CCDC146: variants seen among roughly 807,000 people sequenced by gnomAD.
CCDC146 encodes the protein coiled-coil domain-containing protein 146.
CCDC146 carries 92 observed loss-of-function variants against 119.3 expected under a neutral mutation model. The observed-to-expected ratio is 0.77, with a 90% CI of 0.65 to 0.92. The LOEUF is 0.92. Among genes scored for constraint, CCDC146 ranks in the 40% least tolerant of loss-of-function variants. The pLI, the probability that CCDC146 is intolerant of heterozygous loss-of-function variation, is 0.00. For missense variants in CCDC146, 1,000 were observed against 1,103.0 expected (o/e 0.91, Z 1.32); for synonymous variants, 372 against 371.8 (o/e 1.00, Z -0.01).
At chr7:77,159,198 G>A (rs1791221933) in intron 1 of CCDC146, among the ~76,000 whole-genome samples, 1 of 151,940 alleles carries the variant, frequency 6.6e-6, no homozygotes, top group Non-Finnish European at 1.5e-5. Context: ...GTAATTTTAA[G>A]TATACAATAG....
At chr7:77,146,303 T>C (rs1791018587) in intron 1 of CCDC146, among the ~76,000 whole-genome samples, 1 of 152,166 alleles carries the variant, frequency 6.6e-6, no homozygotes, top group Non-Finnish European at 1.5e-5. Flanking sequence ...TGAGCCTATG[T>C]GTGTCTCTGC....
At chr7:77,249,528 G>A (rs895717244) in intron 4 of CCDC146, among the ~76,000 whole-genome samples, 8 of 150,420 alleles carry the variant, frequency 5.3e-5, no homozygotes, top group African/African-American at 2.0e-4. Context: ...GGTCTTCTCA[G>A]AGGATTGACT....
intron 2 of CCDC146, among the ~76,000 whole-genome samples, chr7:77,224,905 A>C (rs1204571270): frequency 6.6e-6 from 1 of 152,178 alleles, no homozygotes; most frequent in Non-Finnish European, 1.5e-5. Flanking sequence ...TGGTTACTAC[A>C]GGTTGCTGAG....
intron 2 of CCDC146, among the ~76,000 whole-genome samples, chr7:77,183,140 C>A (rs928095161): frequency 2.6e-5 from 4 of 152,086 alleles, no homozygotes; most frequent in Non-Finnish European, 5.9e-5. Context: ...CAACAGACGC[C>A]TCTCCCACAC....
intron 3 of CCDC146, 55 bp from the exon 4 acceptor site, chr7:77,241,636 C>G: frequency 6.7e-7 from 1 of 1,495,602 alleles, no homozygotes; most frequent in Non-Finnish European, 9.3e-7. Flanking sequence ...CCCACAGGAG[C>G]CACCGAGGAT....
intron 4 of CCDC146, among the ~76,000 whole-genome samples, chr7:77,243,881 T>G (rs184317884): frequency 6.6e-6 from 1 of 152,226 alleles, no homozygotes; most frequent in Non-Finnish European, 1.5e-5. Flanking sequence ...TTATTTTTAT[T>G]GTTGTTGTTT....
In CCDC146 at chr7:77,227,394, T is replaced by C. The variant is rs1792534978; in HGVS notation, c.157-9553T>C. On this transcript the variant is annotated intron_variant, in intron 2 of 18. Coordinates refer to ENST00000285871, the MANE Select transcript of CCDC146 (RefSeq NM_020879.3). ...AATCTCGGCTCACTGCAAGCTCCAC[T>C]TCCTGGGTTCATGCCATTCTCCTGC... 2.6e-5 allele frequency among the ~76,000 whole-genome samples: 4 copies of C among 152,276 alleles called. No individual in the cohort carries two copies. The South Asian group carries it at 8.3e-4, about 32-fold the overall frequency.
At chr7:77,151,763 G>C (rs751063343) in intron 1 of CCDC146, among the ~76,000 whole-genome samples, 1 of 152,138 alleles carries the variant, frequency 6.6e-6, no homozygotes, top group Non-Finnish European at 1.5e-5. Context: ...GACCATGCAG[G>C]TTCCTCCTGA....
At chr7:77,210,108 T>C (rs571014468) in intron 2 of CCDC146, among the ~76,000 whole-genome samples, 1 of 152,334 alleles carries the variant, frequency 6.6e-6, no homozygotes, top group African/African-American at 2.4e-5. Flanking sequence ...CAAACTGGAT[T>C]TTTCTTTTCT....
At chr7:77,207,730 A>T (rs1197366961) in intron 2 of CCDC146, among the ~76,000 whole-genome samples, 1 of 152,198 alleles carries the variant, frequency 6.6e-6, no homozygotes, top group Non-Finnish European at 1.5e-5. Context: ...GCTAGGCCTT[A>T]AGTTTCTTAT....
At chr7:77,233,746 T>C (rs1792681041) in intron 2 of CCDC146, among the ~76,000 whole-genome samples, 1 of 152,230 alleles carries the variant, frequency 6.6e-6, no homozygotes, top group Non-Finnish European at 1.5e-5. Flanking sequence ...CAGGTGGTAA[T>C]GCTCACTTGC....
intron 2 of CCDC146, chr7:77,199,766 T>C (rs139205757): frequency 6.2e-6 from 10 of 1,613,998 alleles, no homozygotes; most frequent in Admixed American, 3.3e-5. Flanking sequence ...ACAGCTGAGC[T>C]CAGCCAGTAC....
At chr7:77,263,402 T>G (rs1793340158) in intron 9 of CCDC146, among the ~76,000 whole-genome samples, 1 of 152,194 alleles carries the variant, frequency 6.6e-6, no homozygotes, top group Non-Finnish European at 1.5e-5. Context: ...GAGCCAACAG[T>G]GGTCTCAGAG....
At chr7:77,189,264 A>T (rs1339430270) in intron 2 of CCDC146, among the ~76,000 whole-genome samples, 1 of 152,042 alleles carries the variant, frequency 6.6e-6, no homozygotes, top group East Asian at 1.9e-4. Flanking sequence ...CATCCTTCAC[A>T]GTTGCTCAGA....
At chr7:77,239,479 A>G (rs2150486372) in intron 3 of CCDC146, among the ~76,000 whole-genome samples, 1 of 152,338 alleles carries the variant, frequency 6.6e-6, no homozygotes, top group East Asian at 1.9e-4. Flanking sequence ...ACATTATAAA[A>G]CCTGGGAAAA....
chr7:77,293,089 C>G lies in CCDC146; in HGVS notation c.2553C>G (p.Cys851Trp), dbSNP rs149134416. ...AGAAAGAAGACTTCATCTTCACTTG[C>G]AATTCCAGGATAGAAAAAGGTCTGC... Reference protein sequence around the residue: ...VREKEDFIFTCNSRIEKGLPL... With the variant: ...VREKEDFIFTWNSRIEKGLPL... The change falls in exon 18 of 19, where the codon TGC becomes TGG. Residue 851 changes from cysteine to tryptophan, a missense_variant. Cys to Trp is a radical substitution (Grantham distance 215). This residue lies in a region of CCDC146 where 985 missense variants were observed against 1,045.3 expected (regional missense o/e 0.94). Transcript: ENST00000285871. 1.9e-6 allele frequency: 3 copies of G among 1,614,016 alleles called. No homozygotes were observed. Among genetic ancestry groups the G allele is most frequent in the Non-Finnish European group, 2.5e-6 (3 of 1,180,030 alleles).
At chr7:77,290,472 A>G (rs573575033) in intron 17 of CCDC146, among the ~76,000 whole-genome samples, 81 of 152,370 alleles carry the variant, frequency 5.3e-4, no homozygotes, top group African/African-American at 1.8e-3. Context: ...CATTTAAAAA[A>G]GGAAAGGCAG....
intron 4 of CCDC146, among the ~76,000 whole-genome samples, chr7:77,244,081 T>C (rs1226920133): frequency 2.6e-5 from 4 of 152,170 alleles, no homozygotes; most frequent in Admixed American, 1.3e-4. Flanking sequence ...TTTCACCATC[T>C]TGGCCAGGGT....
At chr7:77,139,278 G>C (rs1055177740) in intron 1 of CCDC146, among the ~76,000 whole-genome samples, 1 of 152,202 alleles carries the variant, frequency 6.6e-6, no homozygotes, top group Non-Finnish European at 1.5e-5. Flanking sequence ...CATACTGCAT[G>C]ACTTCAGCTA....
Sources: allele counts gnomAD v4.1 joint callset (sites outside exome capture counted in the v4.1 genomes callset), GRCh38; gene constraint gnomAD v4.1.1; regional missense constraint gnomAD v4.1.1; transcripts MANE v1.5; gene names NCBI Gene and HGNC (gene_info 2026-07-23, HGNC 2026-07-21).